Variants in WNT7A observed in about 807,000 individuals in gnomAD.
WNT7A encodes protein Wnt-7a.
Under a neutral mutation model 28.2 loss-of-function variants are expected in WNT7A, and 16 were observed. That is an observed-to-expected ratio of 0.57 (90% CI 0.38 to 0.86). The LOEUF is 0.86. WNT7A is among the 40% of genes least tolerant of loss of function. The pLI is 0.00. For synonymous variants in WNT7A, 190 were observed against 195.9 expected, an observed-to-expected ratio of 0.97 and a Z score of 0.25; for missense variants, 411 against 489.7, an observed-to-expected ratio of 0.84 and a Z score of 1.52.
intron 2 of WNT7A, among the ~76,000 whole-genome samples, chr3:13,856,899 G>GAAGAAGAAGAAGAAGAAA (rs1559303209): frequency 3.9e-3 from 181 of 46,492 alleles, no homozygotes; most frequent in Middle Eastern, 8.6e-3. Context: ...AGAAAAAGAA[G>GAAGAAGAAGAAGAAGAAA]AAGAAGAAGA....
chr3:13,827,330 C>G (rs1694211042), intron 3 of WNT7A, among the ~76,000 whole-genome samples: 1 of 152,202 alleles, frequency 6.6e-6, no homozygotes, highest in Non-Finnish European at 1.5e-5. Context: ...TCCAGAGCCT[C>G]CTCTGCCTGC....
chr3:13,846,332 A>G (rs1334889220), intron 3 of WNT7A, among the ~76,000 whole-genome samples: 1 of 152,210 alleles, frequency 6.6e-6, no homozygotes, highest in African/African-American at 2.4e-5. Context: ...CTGTGGGGAT[A>G]AAGGCATCTG....
intron 3 of WNT7A, among the ~76,000 whole-genome samples, chr3:13,843,870 C>T (rs184557240): frequency 1.6e-4 from 25 of 152,070 alleles, no homozygotes; most frequent in African/African-American, 5.8e-4. Flanking sequence ...CCTCAGCCTC[C>T]CAAGTAGATG....
chr3:13,854,528 C>T lies in WNT7A; in HGVS notation c.570+4G>A, dbSNP rs763151818. ...CCGCCCAGCTGCCCTCCCTGGCTTC[C>T]TACCTTTCGGCCTGCCTCGTTGTTG... On this transcript the variant is annotated splice_donor_region_variant and intron_variant, in intron 3 of 3. Coordinates refer to ENST00000285018, the MANE Select transcript of WNT7A (RefSeq NM_004625.4). 1 of 1,614,110 alleles carries T rather than the reference C, an allele frequency of 6.2e-7. No homozygotes were observed. Among genetic ancestry groups the T allele is most frequent in the Non-Finnish European group, 8.5e-7 (1 of 1,180,052 alleles).
intron 3 of WNT7A, among the ~76,000 whole-genome samples, chr3:13,819,694 A>G (rs141099272): frequency 2.0e-5 from 3 of 152,218 alleles, no homozygotes; most frequent in East Asian, 1.9e-4. Flanking sequence ...ATACAATGCA[A>G]TACTATACAG....
chr3:13,857,732 GA>G (rs1369815957), intron 2 of WNT7A, among the ~76,000 whole-genome samples: 2 of 152,028 alleles, frequency 1.3e-5, no homozygotes, highest in African/African-American at 4.8e-5. Flanking sequence ...AACCCTCAGG[GA>G]GACAGTCAAT....
intron 3 of WNT7A, among the ~76,000 whole-genome samples, chr3:13,834,514 G>C (rs1259619714): frequency 6.6e-6 from 1 of 152,020 alleles, no homozygotes; most frequent in African/African-American, 2.4e-5. Context: ...ATCCCCTGCT[G>C]CCTCTTTGAC....
chr3:13,862,721 G>A (rs762729649), intron 2 of WNT7A, among the ~76,000 whole-genome samples: 9 of 152,188 alleles, frequency 5.9e-5, no homozygotes, highest in Non-Finnish European at 1.0e-4. Context: ...GGAAACTGGG[G>A]AGGGGTGTGT....
intron 2 of WNT7A, among the ~76,000 whole-genome samples, chr3:13,861,114 C>A (rs1234750644): frequency 6.6e-6 from 1 of 152,232 alleles, no homozygotes; most frequent in African/African-American, 2.4e-5. Flanking sequence ...TCCCTTGCCT[C>A]AAGGTTTTGA....
intron 2 of WNT7A, among the ~76,000 whole-genome samples, chr3:13,869,694 A>AGAGC (rs1695000723): frequency 4.5e-5 from 1 of 22,358 alleles, no homozygotes; most frequent in Non-Finnish European, 8.3e-5. Flanking sequence ...AGGGAAAGAT[A>AGAGC]GAGAAAGAAG....
At chr3:13,822,455 G>A (rs1262858379) in intron 3 of WNT7A, among the ~76,000 whole-genome samples, 1 of 152,372 alleles carries the variant, frequency 6.6e-6, no homozygotes, top group African/African-American at 2.4e-5. Context: ...CTAAGTGAAA[G>A]TAGCCAGATG....
chr3:13,879,731 G>A lies in WNT7A; in HGVS notation c.71+15C>T, dbSNP rs781680680. On this transcript the variant is annotated intron_variant, in intron 1 of 3. Coordinates refer to ENST00000285018, the MANE Select transcript of WNT7A (RefSeq NM_004625.4). ...TTGTCGAAACACGCGCGGAAAGGGC[G>A]CAGGCAGCCCTTACCCGATCCGGAG... The A allele has an allele frequency of 6.2e-7, 1 of 1,610,384 alleles. No homozygotes were observed. The highest frequency in any genetic ancestry group is 8.5e-7 in the Non-Finnish European group (1 of 1,177,814).
chr3:13,828,634 A>T (rs1465547991), intron 3 of WNT7A, among the ~76,000 whole-genome samples: 1 of 152,174 alleles, frequency 6.6e-6, no homozygotes, highest in Non-Finnish European at 1.5e-5. Context: ...GTTTGCCTAA[A>T]AAGGCCTTTG....
Position 13,875,010 on chromosome 3 carries a change from T to G in WNT7A, c.235A>C (p.Asn79His). ...AGTGCAGAGCAGTTCCAGCGGCCAT[T>G]GCGGAACTGAAACTGACACTCGTCC... ...GLDECQFQFR[N>H]GRWNCSALGE... is the part of the protein sequence containing the mutation. The change falls in exon 2 of 4, where the codon AAT becomes CAT. Residue 79 changes from asparagine to histidine, a missense_variant. Transcript: ENST00000285018. 1.2e-6 allele frequency: 2 copies of G among 1,614,198 alleles called. No homozygotes were observed. The highest frequency in any genetic ancestry group is 1.7e-6 in the Non-Finnish European group (2 of 1,180,032).
intron 3 of WNT7A, among the ~76,000 whole-genome samples, chr3:13,824,135 G>A (rs1190282567): frequency 2.6e-5 from 4 of 152,172 alleles, no homozygotes; most frequent in African/African-American, 9.7e-5. Flanking sequence ...CATCAAAAGT[G>A]TACAATTCAA....
At chr3:13,864,976 C>T (rs1428550202) in intron 2 of WNT7A, among the ~76,000 whole-genome samples, 1 of 152,156 alleles carries the variant, frequency 6.6e-6, no homozygotes, top group South Asian at 2.1e-4. Context: ...CTCTTCTGTA[C>T]CCTTGGGGAA....
In WNT7A at chr3:13,817,060, A is replaced by C. The variant is rs796781671; in HGVS notation, c.*1884T>G. On this transcript the variant is annotated 3_prime_UTR_variant, in exon 4 of 4. Coordinates refer to ENST00000285018, the MANE Select transcript of WNT7A (RefSeq NM_004625.4). ...CTGAGGAGTCAGACACAGCCTAGAT[A>C]CTGAAGGGCTCCCAGCAGGTGGGGC... 1.7e-4 allele frequency: 26 copies of C among 152,326 alleles called. No individual in the cohort carries two copies. The highest frequency in any genetic ancestry group is 5.8e-4 in the African/African-American group (24 of 41,564). The allele number at this position is 152,326 out of a possible 1,614,324, so 9.4% of individuals were successfully genotyped here. A position where few individuals can be genotyped will look rare whatever the true frequency, so the allele number is the denominator to read the frequency against.
At chr3:13,827,448 T>C (rs1272405671) in intron 3 of WNT7A, among the ~76,000 whole-genome samples, 1 of 152,172 alleles carries the variant, frequency 6.6e-6, no homozygotes, top group African/African-American at 2.4e-5. Context: ...GCCAACAATG[T>C]ACCAGGTGCT....
intron 3 of WNT7A, among the ~76,000 whole-genome samples, chr3:13,829,275 A>G (rs1694241752): frequency 6.6e-6 from 1 of 152,214 alleles, no homozygotes; most frequent in Non-Finnish European, 1.5e-5. Flanking sequence ...TTTGCAGGAA[A>G]AAAACAAACT....
Sources: allele counts gnomAD v4.1 joint callset (sites outside exome capture counted in the v4.1 genomes callset), GRCh38; gene constraint gnomAD v4.1.1; transcripts MANE v1.5; gene names NCBI Gene and HGNC (gene_info 2026-07-23, HGNC 2026-07-21).